The following BRINP3 variants were observed in gnomAD, a reference collection of about 807,000 sequenced individuals.
BRINP3 encodes BMP/retinoic acid inducible neural specific 3.
BRINP3 carries 19 observed loss-of-function variants against 71.0 expected under a neutral mutation model. The observed-to-expected ratio is 0.27, with a 90% CI of 0.19 to 0.39. The LOEUF (loss-of-function observed/expected upper bound fraction) is 0.39. Ranked by LOEUF, BRINP3 falls within the 10% of genes least tolerant of loss-of-function variation. The pLI is 1.00. For synonymous variants in BRINP3, 380 were observed against 337.7 expected (o/e 1.13, Z -1.37); for missense variants, 959 against 940.8 (o/e 1.02, Z -0.25).
At position 190,097,824 on chromosome 1, in the gene BRINP3, T is replaced by C. The variant is rs1218365040; in HGVS notation, c.*194A>G. 3.5e-6 allele frequency: 2 copies of C among 578,204 alleles called. No individual in the cohort carries two copies. Among genetic ancestry groups the C allele is most frequent in the Non-Finnish European group, 5.9e-6 (2 of 336,226 alleles). 35.8% of individuals were successfully genotyped at this position (578,204 alleles called of 1,614,324 possible). Reference sequence around the variant, plus strand: ...AGACTGGTGTCAGTATTTATGTCATTCATAAACCAAAACTGCTGTATAATA... The same window carrying C: ...AGACTGGTGTCAGTATTTATGTCATCCATAAACCAAAACTGCTGTATAATA... On this transcript the variant is annotated 3_prime_UTR_variant, in exon 8 of 8. Transcript: ENST00000367462.
chr1:190,465,895 A>G (rs1223087323), intron 1 of BRINP3, among the ~76,000 whole-genome samples: 2 of 151,938 alleles, frequency 1.3e-5, no homozygotes, highest in Admixed American at 1.3e-4. Flanking sequence ...AAAAGATTAA[A>G]ACGATATGTA....
At chr1:190,294,274 T>C (rs61819059) in intron 2 of BRINP3, among the ~76,000 whole-genome samples, 3 of 151,996 alleles carry the variant, frequency 2.0e-5, no homozygotes, top group African/African-American at 7.3e-5. Flanking sequence ...TTTTTTTTTT[T>C]TTGAGTCAGG....
intron 2 of BRINP3, among the ~76,000 whole-genome samples, chr1:190,423,680 T>A (rs919791710): frequency 2.6e-5 from 4 of 151,800 alleles, no homozygotes; most frequent in Non-Finnish European, 5.9e-5. Flanking sequence ...TTTATTCAAA[T>A]TTTTCTATTC....
intron 2 of BRINP3, among the ~76,000 whole-genome samples, chr1:190,428,189 T>C (rs1253850285): frequency 6.6e-6 from 1 of 151,936 alleles, no homozygotes; most frequent in Non-Finnish European, 1.5e-5. Context: ...AACTAGAAGG[T>C]ATGCTTTTCC....
intron 6 of BRINP3, among the ~76,000 whole-genome samples, chr1:190,222,583 A>G (rs539612123): frequency 1.3e-5 from 2 of 152,040 alleles, no homozygotes; most frequent in South Asian, 2.1e-4. Flanking sequence ...AAAAAAATAC[A>G]TAAGATCAAC....
At chr1:190,330,541 AT>A (rs568263303) in intron 2 of BRINP3, among the ~76,000 whole-genome samples, 1 of 152,214 alleles carries the variant, frequency 6.6e-6, no homozygotes, top group South Asian at 2.1e-4. Flanking sequence ...AGGAATGTAC[AT>A]TAGTTTAGCC....
At chr1:190,266,817 T>A (rs1661705459) in intron 3 of BRINP3, among the ~76,000 whole-genome samples, 1 of 152,178 alleles carries the variant, frequency 6.6e-6, no homozygotes, top group African/African-American at 2.4e-5. Flanking sequence ...ACTCACAGTG[T>A]AGTTCTGTGA....
intron 6 of BRINP3, among the ~76,000 whole-genome samples, chr1:190,199,826 T>G (rs1654842914): frequency 6.6e-6 from 1 of 151,616 alleles, no homozygotes; most frequent in African/African-American, 2.4e-5. Context: ...ACCATTTTTC[T>G]TTTTTCTAGG....
chr1:190,383,861 G>A (rs541498793), intron 2 of BRINP3, among the ~76,000 whole-genome samples: 1 of 152,036 alleles, frequency 6.6e-6, no homozygotes, highest in East Asian at 1.9e-4. Flanking sequence ...AATAATAAAT[G>A]TTATTGATTA....
chr1:190,420,963 G>GT (rs950913956), intron 2 of BRINP3, among the ~76,000 whole-genome samples: 2 of 151,718 alleles, frequency 1.3e-5, no homozygotes, highest in African/African-American at 4.8e-5. Context: ...GAGTCCAGAG[G>GT]TATCAGTTTC....
chr1:190,099,206 A>G, intron 7 of BRINP3, 72 bp from the exon 8 acceptor site: 1 of 1,435,822 alleles, frequency 7.0e-7, no homozygotes. Context: ...ACCGTAGCTC[A>G]GAAATCTTTG....
intron 2 of BRINP3, among the ~76,000 whole-genome samples, chr1:190,403,865 T>C (rs1672096478): frequency 6.6e-6 from 1 of 152,176 alleles, no homozygotes. Flanking sequence ...ATTGGACAAA[T>C]GTTTTCAAGT....
chr1:190,454,009 A>G (rs1264053809), intron 2 of BRINP3, among the ~76,000 whole-genome samples: 1 of 152,240 alleles, frequency 6.6e-6, no homozygotes, highest in Non-Finnish European at 1.5e-5. Flanking sequence ...TTCACGGGAC[A>G]TCAGGTGAAC....
intron 7 of BRINP3, among the ~76,000 whole-genome samples, chr1:190,149,834 C>T (rs1656228937): frequency 6.6e-6 from 1 of 152,126 alleles, no homozygotes; most frequent in Admixed American, 6.6e-5. Flanking sequence ...ATGAATTCTT[C>T]CTGCTGAGCT....
chr1:190,379,121 A>G (rs1670358250), intron 2 of BRINP3, among the ~76,000 whole-genome samples: 1 of 152,232 alleles, frequency 6.6e-6, no homozygotes, highest in Non-Finnish European at 1.5e-5. Flanking sequence ...TGCTGAAAAC[A>G]ATATACAAAA....
chr1:190,303,735 T>A, intron 2 of BRINP3, among the ~76,000 whole-genome samples: 1 of 151,814 alleles, frequency 6.6e-6, no homozygotes, highest in East Asian at 1.9e-4. Context: ...AATTAACTAC[T>A]TTGAATTTGG....
intron 4 of BRINP3, among the ~76,000 whole-genome samples, chr1:190,243,635 C>T (rs1659318715): frequency 6.6e-6 from 1 of 152,008 alleles, no homozygotes; most frequent in Non-Finnish European, 1.5e-5. Flanking sequence ...CAGGGAGTTA[C>T]AAACAATAGG....
intron 6 of BRINP3, among the ~76,000 whole-genome samples, chr1:190,201,122 T>G (rs1353789110): frequency 6.6e-6 from 1 of 152,100 alleles, no homozygotes. Context: ...TCCTAGAAAC[T>G]TGTTGAATGG....
At chr1:190,255,641 T>G (rs906961605) in intron 4 of BRINP3, among the ~76,000 whole-genome samples, 2 of 152,280 alleles carry the variant, frequency 1.3e-5, no homozygotes, top group South Asian at 4.1e-4. Flanking sequence ...CCTTTTGTCA[T>G]TTTTTATTGC....
Sources: allele counts gnomAD v4.1 joint callset (sites outside exome capture counted in the v4.1 genomes callset), GRCh38; gene constraint gnomAD v4.1.1; transcripts MANE v1.5; gene names NCBI Gene and HGNC (gene_info 2026-07-23, HGNC 2026-07-21).